The following SYT12 variants were observed in gnomAD, a reference collection of about 807,000 sequenced individuals.
SYT12 encodes synaptotagmin-12.
In SYT12, 27 loss-of-function variants were observed where a neutral mutation model predicts 39.5. The observed-to-expected ratio is 0.68, with a 90% CI of 0.50 to 0.94. The LOEUF (loss-of-function observed/expected upper bound fraction) is 0.94. Among genes scored for constraint, SYT12 ranks in the 40% least tolerant of loss-of-function variants. The pLI is 0.00. For missense variants in SYT12, 536 were observed against 572.6 expected (o/e 0.94, Z 0.65); for synonymous variants, 233 against 239.7 (o/e 0.97, Z 0.26).
upstream of SYT12, among the ~76,000 whole-genome samples, chr11:67,021,071 A>C (rs186493652): frequency 1.2e-4 from 19 of 152,270 alleles, no homozygotes; most frequent in East Asian, 3.5e-3. Context: ...TTCTCTTCTT[A>C]GTGGCACAGT....
At chr11:67,027,936 A>C (rs1024247374) in intron 1 of SYT12, 1 of 152,192 alleles carries the variant, frequency 6.6e-6, no homozygotes, top group African/African-American at 2.4e-5. Context: ...GCGTATCCAG[A>C]CCAGCTTCCG....
intron 4 of SYT12, among the ~76,000 whole-genome samples, chr11:67,040,548 A>AC (rs1217097912): frequency 6.6e-6 from 1 of 152,152 alleles, no homozygotes; most frequent in East Asian, 1.9e-4. Context: ...GGGCTTAATA[A>AC]CAGGACTGGG....
intron 2 of SYT12, chr11:67,030,513 T>A: frequency 3.4e-6 from 1 of 298,434 alleles, no homozygotes; most frequent in Non-Finnish European, 6.2e-6. Context: ...AGGCCTTCTG[T>A]GGAGACTGTC....
intron 4 of SYT12, among the ~76,000 whole-genome samples, chr11:67,042,807 C>T (rs1171848330): frequency 1.3e-5 from 2 of 151,848 alleles, no homozygotes; most frequent in African/African-American, 4.8e-5. Context: ...GTGTAGGGAA[C>T]GTGAGCACTG....
At chr11:67,014,378 A>G (rs1307228531) in intron 3 of SYT12, among the ~76,000 whole-genome samples, 1 of 152,180 alleles carries the variant, frequency 6.6e-6, no homozygotes, top group African/African-American at 2.4e-5. Flanking sequence ...GATGACTGTG[A>G]ATCCAAGCAG....
At chr11:67,048,035 C>A (rs1257485262) in intron 7 of SYT12, among the ~76,000 whole-genome samples, 2 of 150,080 alleles carry the variant, frequency 1.3e-5, no homozygotes, top group Non-Finnish European at 3.0e-5. Flanking sequence ...TCATGATCCG[C>A]CCGCCTCGGC....
rs1854711454 is a variant in SYT12 at position 67,050,263 on chromosome 11, T to G, written c.*1506T>G. On this transcript the variant is annotated 3_prime_UTR_variant, in exon 8 of 8. Coordinates refer to ENST00000527043, the MANE Select transcript of SYT12 (RefSeq NM_177963.4). ...TGTCCCGCAGTCCCAGGAAGCCGCT[T>G]CTTGCCTTCATGGCTGAGTGCTGGG... The G allele has an allele frequency of 6.6e-6, 1 of 152,332 alleles. No homozygotes were observed. Among genetic ancestry groups the G allele is most frequent in the African/African-American group, 2.4e-5 (1 of 41,418 alleles). The allele number at this position is 152,332 out of a possible 1,614,324, so 9.4% of individuals were successfully genotyped here.
Position 67,034,596 on chromosome 11 carries a change from G to A in SYT12, c.35-49G>A, listed in dbSNP as rs776821989. The A allele has an allele frequency of 3.3e-6, 5 of 1,531,754 alleles. No homozygotes were observed. The African/African-American group carries it at 5.7e-5, about 18-fold the overall frequency. The allele number at this position is 1,531,754 out of a possible 1,614,324, so 94.9% of individuals were successfully genotyped here. The stretch of plus-strand genomic sequence containing the variant: ...AGTCGGTGCTGCTCCCCGGGTGGGG[G>A]TCTGTATCCACTAGGAAGCCCTAAT... On this transcript the variant is annotated intron_variant, in intron 2 of 7. Transcript: ENST00000527043.
chr11:67,012,574 C>G (rs1355344327), intron 3 of SYT12, among the ~76,000 whole-genome samples: 1 of 152,090 alleles, frequency 6.6e-6, no homozygotes, highest in African/African-American at 2.4e-5. Flanking sequence ...TTCATTGGCC[C>G]TCAGACCAGC....
At chr11:67,030,082 T>C (rs1447322129) in intron 1 of SYT12, 40 bp from the exon 2 acceptor site, 2 of 1,598,072 alleles carry the variant, frequency 1.3e-6, no homozygotes, top group East Asian at 4.5e-5. Flanking sequence ...GGACGCTGAC[T>C]CTCTGCAGCC....
chr11:67,040,235 G>A, intron 4 of SYT12, 32 bp downstream of exon 4: 1 of 1,542,784 alleles, frequency 6.5e-7, no homozygotes, highest in South Asian at 1.2e-5. Context: ...GCAGAAGGGT[G>A]CTCTGGGCTC....
intron 1 of SYT12, among the ~76,000 whole-genome samples, chr11:67,009,594 A>G (rs1179149764): frequency 6.6e-6 from 1 of 152,188 alleles, no homozygotes; most frequent in Non-Finnish European, 1.5e-5. Flanking sequence ...GCCCAGCCCC[A>G]GCCCTTGATT....
rs1950328117 is a variant in SYT12 at position 67,034,783 on chromosome 11, A to T, written c.173A>T (p.Asp58Val). 1.9e-6 allele frequency: 3 copies of T among 1,595,782 alleles called. No homozygotes were observed. Among genetic ancestry groups the T allele is most frequent in the Non-Finnish European group, 2.6e-6 (3 of 1,173,488 alleles). Reference protein sequence around the residue: ...FPSPSPFPNYDYRYLQQKYGE... With the variant: ...FPSPSPFPNYVYRYLQQKYGE... ...AGCCCCTCTCCGTTCCCCAATTACGACTACAGGTACCTTCAGCAGAAGTAC... is the reference window on the plus strand; with the variant it reads ...AGCCCCTCTCCGTTCCCCAATTACGTCTACAGGTACCTTCAGCAGAAGTAC... The change falls in exon 3 of 8, where the codon GAC (aspartate) becomes GTC (valine). Residue 58 changes from aspartate to valine, a missense_variant. Transcript: ENST00000527043.
At chr11:67,047,403 G>A (rs1854592867) in intron 7 of SYT12, among the ~76,000 whole-genome samples, 1 of 151,118 alleles carries the variant, frequency 6.6e-6, no homozygotes, top group African/African-American at 2.4e-5. Context: ...GAGTAGCTGG[G>A]ATTACAGGCA....
rs1229433255 is a variant in SYT12 at position 67,044,689 on chromosome 11, T to C, written c.934T>C (p.Trp312Arg). ...CGTGGTTAAGGCCAAGAACCTCATC[T>C]GGACCAACGACAAGACCACAGCGGG... ...VVVVKAKNLIWTNDKTTADPF... is the reference protein window; with the variant it reads ...VVVVKAKNLIRTNDKTTADPF... Residue 312 changes from tryptophan (W) to arginine (R), a missense_variant, in exon 6 of 8, where the codon TGG becomes CGG. Transcript: ENST00000527043. 1.2e-6 allele frequency: 2 copies of C among 1,613,636 alleles called. No homozygotes were observed. Among genetic ancestry groups the C allele is most frequent in the Admixed American group, 1.7e-5 (1 of 59,994 alleles).
chr11:67,012,538 A>G (rs937213103), intron 3 of SYT12, among the ~76,000 whole-genome samples: 8 of 152,136 alleles, frequency 5.3e-5, no homozygotes, highest in Non-Finnish European at 7.3e-5. Context: ...TCAGATTATG[A>G]GTCCAAGAGG....
At chr11:67,048,471 G>A (rs184216978) in intron 7 of SYT12, 113 bp from the exon 8 acceptor site, 24 of 1,131,836 alleles carry the variant, frequency 2.1e-5, no homozygotes, top group Middle Eastern at 2.2e-4. Context: ...GAGGATTCAG[G>A]GAGCTGTGCC....
rs188104755 is a variant in SYT12 at position 67,014,771 on chromosome 11, C to G, written c.-69+3777C>G. 2.0e-4 allele frequency among the ~76,000 whole-genome samples: 31 copies of G among 152,226 alleles called. No homozygotes were observed. In the East Asian group the frequency reaches 6.0e-3, roughly 29 times the overall value. On this transcript the variant is annotated intron_variant, in intron 3 of 10. Coordinates refer to the SYT12 transcript ENST00000393946. ...ACCCAGAGGGGCCTAGGTGCCCTGG[C>G]TGGCTGTCCGTGGCCCACAAACCTG...
chr11:67,034,207 C>T (rs1034571053), intron 2 of SYT12, among the ~76,000 whole-genome samples: 59 of 152,206 alleles, frequency 3.9e-4, no homozygotes, highest in Admixed American at 3.1e-3. Flanking sequence ...TTTCCAGCCC[C>T]TGACAGTCAC....
Sources: gnomAD v4.1 joint callset for allele counts (sites outside exome capture counted in the v4.1 genomes callset) on GRCh38, gnomAD v4.1.1 for gene constraint, MANE v1.5 for transcripts, NCBI Gene and HGNC (gene_info 2026-07-23, HGNC 2026-07-21) for gene names.